GNG4: variants seen among roughly 807,000 people sequenced by gnomAD.
GNG4 encodes the protein guanine nucleotide-binding protein G(I)/G(S)/G(O) subunit gamma-4.
A neutral mutation model predicts 5.8 loss-of-function variants in GNG4; 4 were observed. That is an observed-to-expected ratio of 0.69 (90% CI 0.34 to 1.57). GNG4 has a LOEUF of 1.57. GNG4 is among the 40% of genes most tolerant of loss of function. The probability of loss-of-function intolerance (pLI) is 0.06; values close to 1 mark genes in which losing one functional copy is unlikely to be tolerated. For synonymous variants in GNG4, 29 were observed against 32.9 expected (o/e 0.88, Z 0.41); for missense variants, 96 against 95.1 (o/e 1.01, Z -0.04).
intron 1 of GNG4, among the ~76,000 whole-genome samples, chr1:235,618,132 T>C (rs1200934531): frequency 6.6e-6 from 1 of 152,132 alleles, no homozygotes; most frequent in Non-Finnish European, 1.5e-5. Flanking sequence ...AATTTAGGAT[T>C]TGCTACTTCC....
intron 3 of GNG4, among the ~76,000 whole-genome samples, chr1:235,559,703 T>C (rs189473194): frequency 6.6e-6 from 1 of 152,328 alleles, no homozygotes; most frequent in East Asian, 1.9e-4. Flanking sequence ...GGGTGGGTGA[T>C]ATGTGTGAAT....
chr1:235,599,127 G>A (rs934015662), intron 1 of GNG4, among the ~76,000 whole-genome samples: 1 of 152,142 alleles, frequency 6.6e-6, no homozygotes, highest in East Asian at 1.9e-4. Flanking sequence ...CATGAAACCC[G>A]TATCTCAGGC....
chr1:235,570,962 C>CT (rs544210922), intron 3 of GNG4, among the ~76,000 whole-genome samples: 2,878 of 103,950 alleles, frequency 0.028, 69 homozygotes, highest in Non-Finnish European at 0.04. Flanking sequence ...ATATACATAC[C>CT]TTTTTTTTTT....
At chr1:235,626,088 C>T (rs567339988) in intron 1 of GNG4, among the ~76,000 whole-genome samples, 8 of 152,128 alleles carry the variant, frequency 5.3e-5, no homozygotes, top group Non-Finnish European at 7.3e-5. Context: ...GATCCTGGCC[C>T]GCTTTGTGTA....
At chr1:235,639,131 G>A (rs868148015) in intron 1 of GNG4, among the ~76,000 whole-genome samples, 6 of 152,182 alleles carry the variant, frequency 3.9e-5, no homozygotes, top group African/African-American at 1.4e-4. Flanking sequence ...CACTGGGCCT[G>A]CCAGGTATTC....
chr1:235,576,938 C>T (rs1186717959), intron 3 of GNG4, among the ~76,000 whole-genome samples: 2 of 152,130 alleles, frequency 1.3e-5, no homozygotes, highest in Non-Finnish European at 2.9e-5. Context: ...ATTTCAGCTA[C>T]GTTTTTCCTC....
chr1:235,570,862 A>ATATGTGTGTGTGTG (rs143958257), intron 3 of GNG4, among the ~76,000 whole-genome samples: 9 of 141,598 alleles, frequency 6.4e-5, no homozygotes, highest in East Asian at 4.3e-4. Context: ...ATATATATAT[A>ATATGTGTGTGTGTG]TGTGTGTGTG....
At chr1:235,574,800 C>T (rs1687433876) in intron 3 of GNG4, among the ~76,000 whole-genome samples, 1 of 152,012 alleles carries the variant, frequency 6.6e-6, no homozygotes, top group South Asian at 2.1e-4. Flanking sequence ...TTAATAACTG[C>T]CAGTATCTGT....
At chr1:235,587,319 G>A (rs1169947926) in intron 2 of GNG4, among the ~76,000 whole-genome samples, 2 of 65,982 alleles carry the variant, frequency 3.0e-5, no homozygotes, top group African/African-American at 1.3e-4. Context: ...AGGGGTGTGT[G>A]TGTGTGAGAG....
At chr1:235,637,653 CAAAAAA>C (rs5781837) in intron 1 of GNG4, among the ~76,000 whole-genome samples, 9 of 116,300 alleles carry the variant, frequency 7.7e-5, no homozygotes, top group East Asian at 2.4e-4. Flanking sequence ...GACCTTGTCT[CAAAAAA>C]AAAAAAAAAA....
rs1485630627 is a variant in GNG4, at chr1:235,644,456, C to T, written c.-123+5206G>A. Among the ~76,000 whole-genome samples, 3 of 152,248 alleles carry T rather than the reference C, an allele frequency of 2.0e-5. No individual in the cohort carries two copies. The highest frequency in any genetic ancestry group is 1.3e-4 in the Admixed American group (2 of 15,284). ...GGCATGAGCAAGCCTGACGCTGTCTCTCATCCTGGTAACACCTTCTTCCCC... is the reference window on the plus strand; with the variant it reads ...GGCATGAGCAAGCCTGACGCTGTCTTTCATCCTGGTAACACCTTCTTCCCC... On this transcript the variant is annotated intron_variant, in intron 1 of 3. Coordinates refer to ENST00000391854, the MANE Select transcript of GNG4 (RefSeq NM_001098722.2). This position sits in a 1 kb window ranked among gnomAD's most constrained non-coding sequence, Gnocchi z 5.9.
chr1:235,611,536 C>T (rs6429196), intron 1 of GNG4, among the ~76,000 whole-genome samples: 51,470 of 151,932 alleles, frequency 0.34, 10,851 homozygotes, highest in African/African-American at 0.58. Context: ...GTAGATTTGA[C>T]CATTGGTTGG....
intron 1 of GNG4, among the ~76,000 whole-genome samples, chr1:235,628,200 A>T (rs112930029): frequency 0.033 from 5,004 of 152,132 alleles, 260 homozygotes; most frequent in African/African-American, 0.11. Flanking sequence ...AACAAAGACA[A>T]CAACAACAAC....
intron 3 of GNG4, among the ~76,000 whole-genome samples, chr1:235,566,511 T>C (rs973378929): frequency 3.9e-5 from 6 of 152,162 alleles, no homozygotes; most frequent in South Asian, 2.1e-4. Context: ...TGATTCTACA[T>C]TATGGTGAGT....
At position 235,597,629 on chromosome 1, in the gene GNG4, TA is replaced by T. The variant is rs1414872123; in HGVS notation, c.-122-2119del. On this transcript the variant is annotated intron_variant, in intron 1 of 3. Transcript: ENST00000391854. ...GTGTGTGTGTGTGTGTGTGTGTGTGTATTTTTTTTTTTTTCAGATGGAGTCT... is the reference window on the plus strand; with the variant it reads ...GTGTGTGTGTGTGTGTGTGTGTGTGTTTTTTTTTTTTTTCAGATGGAGTCT... 4.7e-3 allele frequency among the ~76,000 whole-genome samples: 423 copies of T among 90,798 alleles called. 4 individuals carry two copies. Among genetic ancestry groups the T allele is most frequent in the African/African-American group, 0.015 (339 of 22,100 alleles). The allele number at this position is 90,798 out of a possible 152,430, so 59.6% of individuals were successfully genotyped here.
At chr1:235,605,484 T>C (rs1246513299) in intron 1 of GNG4, among the ~76,000 whole-genome samples, 2 of 152,192 alleles carry the variant, frequency 1.3e-5, no homozygotes, top group Non-Finnish European at 2.9e-5. Flanking sequence ...CCGTGATTCC[T>C]GCCTTCTATT....
At chr1:235,599,700 T>A (rs1688212510) in intron 1 of GNG4, among the ~76,000 whole-genome samples, 1 of 152,160 alleles carries the variant, frequency 6.6e-6, no homozygotes, top group South Asian at 2.1e-4. Flanking sequence ...CAGTCCTGCC[T>A]TATGCAGGGT....
chr1:235,630,386 C>T (rs921625053), intron 1 of GNG4, among the ~76,000 whole-genome samples: 1 of 152,184 alleles, frequency 6.6e-6, no homozygotes, highest in Admixed American at 6.5e-5. Flanking sequence ...AAAACAGCAG[C>T]CTGTGACTCA....
intron 1 of GNG4, among the ~76,000 whole-genome samples, chr1:235,620,066 T>C (rs2102975663): frequency 6.6e-6 from 1 of 152,354 alleles, no homozygotes; most frequent in Admixed American, 6.5e-5. Context: ...GAAATCCTTT[T>C]AAAACTTTCG....
Sources: gnomAD v4.1 joint callset for allele counts (sites outside exome capture counted in the v4.1 genomes callset) on GRCh38, gnomAD v4.1.1 for gene constraint, Gnocchi (gnomAD v3.1) non-coding constraint, MANE v1.5 for transcripts, NCBI Gene and HGNC (gene_info 2026-07-23, HGNC 2026-07-21) for gene names.